Variants in CPNE8 observed in about 807,000 individuals in gnomAD.
CPNE8 encodes copine 8.
CPNE8 carries 45 observed loss-of-function variants against 81.5 expected under a neutral mutation model. The ratio of observed to expected loss-of-function variants is 0.55; its 90% CI spans 0.44 to 0.71. CPNE8 has a LOEUF of 0.71. Among genes scored for constraint, CPNE8 ranks in the 30% least tolerant of loss-of-function variants. The pLI is 0.00. For missense variants in CPNE8, 594 were observed against 672.1 expected (o/e 0.88, Z 1.28); for synonymous variants, 252 against 226.3 (o/e 1.11, Z -1.02).
At chr12:38,884,561 G>T (rs540262824) in intron 1 of CPNE8, among the ~76,000 whole-genome samples, 3 of 152,262 alleles carry the variant, frequency 2.0e-5, no homozygotes, top group Admixed American at 2.0e-4. Flanking sequence ...TAACAGAATT[G>T]CTGGGTCCTA....
rs1448494817 is a variant in CPNE8, at chr12:38,775,552, A to ATT, written c.471+684_471+685dup. Among the ~76,000 whole-genome samples the ATT allele has an allele frequency of 2.0e-5, 3 of 152,258 alleles. No individual in the cohort carries two copies. In the East Asian group the frequency reaches 5.8e-4, roughly 29 times the overall value. ...TGCTGGCCCACATTAAACAGACAAT[A>ATT]TTGACTTCAGATTAAGCTGGTCATT... On this transcript the variant is annotated intron_variant, in intron 7 of 19. Transcript: ENST00000331366.
At chr12:38,797,238 T>G (rs930241244) in intron 6 of CPNE8, among the ~76,000 whole-genome samples, 4 of 152,188 alleles carry the variant, frequency 2.6e-5, no homozygotes, top group African/African-American at 7.2e-5. Context: ...ACGGGCAGAC[T>G]GCCTCCTCAA....
chr12:38,767,839 T>C (rs1592072176), intron 7 of CPNE8, 101 bp from the exon 8 acceptor site: 1 of 689,330 alleles, frequency 1.5e-6, no homozygotes, highest in East Asian at 3.1e-5. Context: ...TTTGCTATTT[T>C]AATGCAAATG....
intron 14 of CPNE8, 122 bp from the exon 15 acceptor site, chr12:38,693,960 G>A: frequency 1.6e-6 from 1 of 617,918 alleles, no homozygotes; most frequent in Non-Finnish European, 2.6e-6. Flanking sequence ...TATATACAGT[G>A]TGTCAAATCA....
At chr12:38,696,518 A>G (rs1018231385) in intron 14 of CPNE8, among the ~76,000 whole-genome samples, 2 of 152,336 alleles carry the variant, frequency 1.3e-5, no homozygotes, top group East Asian at 3.9e-4. Context: ...ACTAATAGCC[A>G]TAATAATTAT....
intron 1 of CPNE8, among the ~76,000 whole-genome samples, chr12:38,880,217 T>C (rs1469316364): frequency 6.6e-6 from 1 of 152,234 alleles, no homozygotes; most frequent in Non-Finnish European, 1.5e-5. Context: ...ATTCTGGTTT[T>C]AATTAAAATT....
At position 38,668,915 on chromosome 12, in the gene CPNE8, A is replaced by G. The variant is rs112563626; in HGVS notation, c.1506+1814T>C. On this transcript the variant is annotated intron_variant, in intron 19 of 19. Coordinates refer to ENST00000331366, the MANE Select transcript of CPNE8 (RefSeq NM_153634.3). ...AAATACAAAAAAAAATTAGCTGGGC[A>G]TGGTGGCAGGCACCTGTAGTCCCAG... Among the ~76,000 whole-genome samples the G allele has an allele frequency of 1.4e-3, 213 of 152,100 alleles. 1 individual carries two copies. The highest frequency in any genetic ancestry group is 4.7e-3 in the African/African-American group (197 of 41,504).
chr12:38,785,895 C>G (rs867817331), intron 6 of CPNE8, among the ~76,000 whole-genome samples: 1 of 150,864 alleles, frequency 6.6e-6, no homozygotes, highest in Non-Finnish European at 1.5e-5. Context: ...TAACCACAAA[C>G]AAGAAAATAC....
intron 6 of CPNE8, among the ~76,000 whole-genome samples, chr12:38,794,202 C>A (rs373561392): frequency 6.6e-6 from 1 of 152,014 alleles, no homozygotes; most frequent in African/African-American, 2.4e-5. Context: ...ACAAATGGGG[C>A]CTGCATTAAG....
At chr12:38,688,483 A>C (rs551999846) in intron 15 of CPNE8, among the ~76,000 whole-genome samples, 9 of 152,348 alleles carry the variant, frequency 5.9e-5, no homozygotes, top group Non-Finnish European at 1.2e-4. Context: ...ATGAGTTATA[A>C]AAAGATTTTT....
intron 6 of CPNE8, among the ~76,000 whole-genome samples, chr12:38,799,126 A>C (rs1942587038): frequency 6.6e-6 from 1 of 152,190 alleles, no homozygotes; most frequent in Non-Finnish European, 1.5e-5. Context: ...CACTGTCAAC[A>C]TTAGACAGAT....
intron 15 of CPNE8, among the ~76,000 whole-genome samples, chr12:38,687,723 G>A (rs564997351): frequency 5.9e-5 from 9 of 152,220 alleles, no homozygotes; most frequent in African/African-American, 1.9e-4. Context: ...CTTAGGAAAC[G>A]GGGCCAAATG....
chr12:38,899,441 C>T (rs1209963878), intron 1 of CPNE8, among the ~76,000 whole-genome samples: 4 of 152,144 alleles, frequency 2.6e-5, no homozygotes, highest in African/African-American at 9.7e-5. Flanking sequence ...GACATCCATC[C>T]TCTACAACTG....
intron 6 of CPNE8, among the ~76,000 whole-genome samples, chr12:38,810,621 C>T (rs117660804): frequency 0.017 from 2,561 of 152,226 alleles, 32 homozygotes; most frequent in Middle Eastern, 0.027. Context: ...AGGGGCTATC[C>T]TATTGCCATA....
intron 1 of CPNE8, among the ~76,000 whole-genome samples, chr12:38,902,262 AAG>A (rs1944476440): frequency 4.4e-5 from 2 of 45,728 alleles, no homozygotes; most frequent in African/African-American, 6.8e-5. Flanking sequence ...AGAAAAAAGA[AAG>A]AAAGAAAAAG....
intron 6 of CPNE8, among the ~76,000 whole-genome samples, chr12:38,818,112 G>T (rs1390748715): frequency 2.0e-5 from 3 of 152,100 alleles, no homozygotes; most frequent in African/African-American, 7.2e-5. Flanking sequence ...GTCAATAGAT[G>T]CAAAGCCAGT....
chr12:38,785,189 G>GAAA (rs1191300015), intron 6 of CPNE8, among the ~76,000 whole-genome samples: 3 of 98,110 alleles, frequency 3.1e-5, no homozygotes, highest in Middle Eastern at 7.0e-3. Context: ...CTCTGTCTCT[G>GAAA]AAAAAAAAAA....
intron 1 of CPNE8, among the ~76,000 whole-genome samples, chr12:38,877,655 T>A (rs1592151074): frequency 6.6e-6 from 1 of 152,154 alleles, no homozygotes; most frequent in East Asian, 1.9e-4. Flanking sequence ...ATAAATTGCC[T>A]GAGTTGTTCT....
At chr12:38,662,514 C>A (rs779443309) in intron 19 of CPNE8, among the ~76,000 whole-genome samples, 4 of 151,940 alleles carry the variant, frequency 2.6e-5, no homozygotes, top group Non-Finnish European at 4.4e-5. Flanking sequence ...AAATAAAAAT[C>A]TCATGTTCAT....
Sources: allele counts gnomAD v4.1 joint callset (sites outside exome capture counted in the v4.1 genomes callset), GRCh38; gene constraint gnomAD v4.1.1; transcripts MANE v1.5; gene names NCBI Gene and HGNC (gene_info 2026-07-23, HGNC 2026-07-21).